EIF2D: variants seen among roughly 807,000 people sequenced by gnomAD.
The protein encoded by EIF2D is eukaryotic translation initiation factor 2D.
EIF2D carries 56 observed loss-of-function variants against 77.4 expected under a neutral mutation model. The observed-to-expected ratio is 0.72, with a 90% CI of 0.58 to 0.90. EIF2D has a LOEUF of 0.90. Among genes scored for constraint, EIF2D ranks in the 40% least tolerant of loss-of-function variants. The pLI, the probability that EIF2D is intolerant of heterozygous loss-of-function variation, is 0.00. For missense variants in EIF2D, 574 were observed against 706.5 expected, an observed-to-expected ratio of 0.81 and a Z score of 2.13; for synonymous variants, 230 against 271.0, an observed-to-expected ratio of 0.85 and a Z score of 1.49.
intron 4 of EIF2D, among the ~76,000 whole-genome samples, chr1:206,607,002 G>A (rs17012597): frequency 0.014 from 2,150 of 152,258 alleles, 60 homozygotes; most frequent in African/African-American, 0.049. Flanking sequence ...AAAAATACTA[G>A]CAACAGTGTC....
At chr1:206,606,645 C>G (rs889466778) in intron 4 of EIF2D, among the ~76,000 whole-genome samples, 17 of 152,098 alleles carry the variant, frequency 1.1e-4, no homozygotes, top group African/African-American at 3.9e-4. Context: ...GGTTCCAAAG[C>G]GTTCAAGGAA....
chr1:206,577,250 T>G (rs1286631347), intron 4 of EIF2D, among the ~76,000 whole-genome samples: 1 of 152,182 alleles, frequency 6.6e-6, no homozygotes, highest in Non-Finnish European at 1.5e-5. Flanking sequence ...AGAAAAAGTT[T>G]GCCAACCACT....
downstream of EIF2D, chr1:206,586,696 A>C (rs1669128836): frequency 1.4e-6 from 1 of 739,420 alleles, no homozygotes; most frequent in African/African-American, 1.7e-5. Context: ...CAGTCTGTTC[A>C]GTAGCAAACT....
chr1:206,598,191 C>A (rs1236691866), intron 11 of EIF2D, among the ~76,000 whole-genome samples: 1 of 151,974 alleles, frequency 6.6e-6, no homozygotes, highest in Non-Finnish European at 1.5e-5. Flanking sequence ...GCATGCCCTA[C>A]CATGCCCGGC....
chr1:206,609,428 CAGA>C lies in EIF2D; in HGVS notation c.276_278del (p.Leu93del). The C allele has an allele frequency of 6.2e-7, 1 of 1,614,182 alleles. No individual in the cohort carries two copies. Among genetic ancestry groups the C allele is most frequent in the South Asian group, 1.1e-5 (1 of 91,092 alleles). ...CCAGAGGCCATGTTGTAAAGGTTGGCAGAAGATCAGGATAGGACCACAGCGTGT... is the reference window on the plus strand; with the variant it reads ...CCAGAGGCCATGTTGTAAAGGTTGGCAGATCAGGATAGGACCACAGCGTGT... On this transcript the variant is annotated inframe_deletion, in exon 3 of 15. Coordinates refer to ENST00000271764, the MANE Select transcript of EIF2D (RefSeq NM_006893.3).
At chr1:206,574,707 A>G (rs893921132) in intron 4 of EIF2D, among the ~76,000 whole-genome samples, 1 of 152,182 alleles carries the variant, frequency 6.6e-6, no homozygotes, top group Non-Finnish European at 1.5e-5. Context: ...GGACCTGTGG[A>G]AATCAACCCC....
At chr1:206,610,130 A>G (rs1670400905) in intron 2 of EIF2D, among the ~76,000 whole-genome samples, 1 of 152,246 alleles carries the variant, frequency 6.6e-6, no homozygotes, top group African/African-American at 2.4e-5. Context: ...TACACCATGA[A>G]AACAGCTGGA....
At chr1:206,601,433 G>C (rs1669913715) in intron 7 of EIF2D, 1 of 152,094 alleles carries the variant, frequency 6.6e-6, no homozygotes, top group South Asian at 2.1e-4. Flanking sequence ...AGCTGCACAT[G>C]GTGGCATGTG....
rs782006757 is a variant in EIF2D, at chr1:206,592,868, G to A, written c.1684+751C>T. Among the ~76,000 whole-genome samples, 5 of 152,148 alleles carry A rather than the reference G, an allele frequency of 3.3e-5. No homozygotes were observed. The South Asian group carries it at 6.2e-4, about 19-fold the overall frequency. ...TGTAATCCTAGCACTTTGGGAGGCC[G>A]AGGCAGGCGGATCATCTGAGGTCAG... is the stretch of plus-strand genomic sequence containing the variant. On this transcript the variant is annotated intron_variant, in intron 14 of 14. Transcript: ENST00000271764. This position sits in a 1 kb window ranked among gnomAD's most constrained non-coding sequence, Gnocchi z 4.7.
intron 4 of EIF2D, among the ~76,000 whole-genome samples, chr1:206,606,860 G>A (rs528950197): frequency 6.6e-6 from 1 of 152,212 alleles, no homozygotes; most frequent in Non-Finnish European, 1.5e-5. Flanking sequence ...TCCAGTATTG[G>A]TGAGAGTATA....
intron 13 of EIF2D, 176 bp from the exon 14 acceptor site, chr1:206,593,969 T>G: frequency 1.8e-6 from 1 of 541,030 alleles, no homozygotes; most frequent in Non-Finnish European, 3.2e-6. Context: ...CTAAATTGAT[T>G]CTGTCTACCC....
chr1:206,569,739 T>C (rs189730834), downstream of EIF2D, among the ~76,000 whole-genome samples: 13 of 152,346 alleles, frequency 8.5e-5, no homozygotes, highest in Middle Eastern at 6.8e-3. Context: ...GCCCCTGACC[T>C]TTCTGGGCAG....
intron 2 of EIF2D, chr1:206,585,254 C>T: frequency 6.2e-7 from 1 of 1,614,160 alleles, no homozygotes; most frequent in Non-Finnish European, 8.5e-7. Context: ...CACGGAGGTC[C>T]TCAGCTTTGT....
rs192901973 is a variant in EIF2D at position 206,584,074 on chromosome 1, C to A, written c.139-2912G>T. On this transcript the variant is annotated intron_variant and NMD_transcript_variant, in intron 2 of 5. Transcript: ENST00000472709. The surrounding 1 kb of genome is among the most constrained non-coding windows in gnomAD (Gnocchi z 4.9). The stretch of plus-strand genomic sequence containing the variant: ...TACAAACTAGAGTGGCTACCCCACA[C>A]CCTGCCTCTTACAATGGGCACTCAC... Among the ~76,000 whole-genome samples the A allele has an allele frequency of 3.0e-3, 451 of 152,286 alleles. 3 individuals are homozygous for A. Among genetic ancestry groups the A allele is most frequent in the Non-Finnish European group, 3.1e-3 (208 of 68,018 alleles).
At chr1:206,591,136 ACT>A (rs1669325759), downstream of EIF2D, among the ~76,000 whole-genome samples, 1 of 152,050 alleles carries the variant, frequency 6.6e-6, no homozygotes, top group Non-Finnish European at 1.5e-5. Flanking sequence ...GTTGGATGAG[ACT>A]CTTCACTGTA....
intron 5 of EIF2D, chr1:206,603,606 C>A: frequency 5.8e-6 from 1 of 173,648 alleles, no homozygotes; most frequent in Admixed American, 5.5e-5. Flanking sequence ...TCTGTAATAT[C>A]TGTTTGGTGA....
chr1:206,584,384 C>A lies in EIF2D; in HGVS notation c.139-3222G>T. 2 of 1,607,200 alleles carry A rather than the reference C, an allele frequency of 1.2e-6. No individual in the cohort carries two copies. The highest frequency in any genetic ancestry group is 1.7e-6 in the Non-Finnish European group (2 of 1,175,716). On this transcript the variant is annotated intron_variant and NMD_transcript_variant, in intron 2 of 5. Coordinates refer to the EIF2D transcript ENST00000472709. The surrounding 1 kb of genome is among the most constrained non-coding windows in gnomAD (Gnocchi z 4.9). ...ACCCCCTGTGACATGCCCCCGCTGG[C>A]AGAGTGAAGACGGCACCTACACGGG...
At chr1:206,605,647 C>A in intron 4 of EIF2D, 140 bp from the exon 5 acceptor site, 1 of 645,476 alleles carries the variant, frequency 1.5e-6, no homozygotes. Flanking sequence ...AAACTCAGTC[C>A]ACTCTCAGTT....
At chr1:206,577,202 G>A (rs2103560446) in intron 4 of EIF2D, among the ~76,000 whole-genome samples, 1 of 152,202 alleles carries the variant, frequency 6.6e-6, no homozygotes, top group South Asian at 2.1e-4. Flanking sequence ...CAGACTGCGT[G>A]GCCTGCAAAA....
Sources: allele counts gnomAD v4.1 joint callset (sites outside exome capture counted in the v4.1 genomes callset), GRCh38; gene constraint gnomAD v4.1.1; non-coding constraint Gnocchi (gnomAD v3.1); transcripts MANE v1.5; gene names NCBI Gene and HGNC (gene_info 2026-07-23, HGNC 2026-07-21).